The following KCNMB2 variants were observed in gnomAD, a reference collection of about 807,000 sequenced individuals.
The protein encoded by KCNMB2 is potassium calcium-activated channel subfamily M regulatory beta subunit 2, also known as calcium-activated potassium channel subunit beta-2.
In KCNMB2, 9 loss-of-function variants were observed where a neutral mutation model predicts 24.5. That is an observed-to-expected ratio of 0.37 (90% CI 0.22 to 0.64). KCNMB2 has a LOEUF of 0.64. Among genes scored for constraint, KCNMB2 ranks in the 30% least tolerant of loss-of-function variants. The pLI is 0.63. For synonymous variants in KCNMB2, 109 were observed against 104.4 expected (o/e 1.04, Z -0.27); for missense variants, 226 against 284.3 (o/e 0.79, Z 1.47).
chr3:178,553,507 A>G (rs867377964), intron 1 of KCNMB2, among the ~76,000 whole-genome samples: 2 of 151,482 alleles, frequency 1.3e-5, no homozygotes, highest in Middle Eastern at 6.8e-3. Flanking sequence ...CTCAGCACTG[A>G]GCATTCTCTG....
intron 1 of KCNMB2, among the ~76,000 whole-genome samples, chr3:178,627,382 T>C (rs906037182): frequency 2.0e-5 from 3 of 152,180 alleles, no homozygotes; most frequent in Admixed American, 2.0e-4. Context: ...TGGATTATAG[T>C]AGAATGTCCT....
At chr3:178,668,721 C>A (rs1366327385) in intron 1 of KCNMB2, among the ~76,000 whole-genome samples, 8 of 152,020 alleles carry the variant, frequency 5.3e-5, no homozygotes, top group Non-Finnish European at 1.2e-4. Flanking sequence ...GTGGGCAGGT[C>A]CAAATGTAAT....
At chr3:178,825,214 A>G (rs1178699020) in intron 2 of KCNMB2, among the ~76,000 whole-genome samples, 6 of 152,270 alleles carry the variant, frequency 3.9e-5, no homozygotes, top group Admixed American at 2.6e-4. Flanking sequence ...CTAAAAATCA[A>G]TAATGATCAG....
intron 1 of KCNMB2, among the ~76,000 whole-genome samples, chr3:178,765,030 G>T (rs962951863): frequency 1.3e-5 from 2 of 152,158 alleles, no homozygotes; most frequent in Non-Finnish European, 2.9e-5. Context: ...CTTCTTTGAT[G>T]TCTAGAATGA....
chr3:178,786,342 A>G (rs1435554349), intron 1 of KCNMB2, among the ~76,000 whole-genome samples: 1 of 152,170 alleles, frequency 6.6e-6, no homozygotes, highest in Non-Finnish European at 1.5e-5. Flanking sequence ...GACACTTAAA[A>G]TTTCCACAAT....
intron 1 of KCNMB2, among the ~76,000 whole-genome samples, chr3:178,707,194 G>A (rs6443566): frequency 0.33 from 49,624 of 151,920 alleles, 8,842 homozygotes; most frequent in African/African-American, 0.47. Context: ...GAGTGGAACA[G>A]AGACATCTGC....
At chr3:178,615,964 G>T (rs536759848) in intron 1 of KCNMB2, among the ~76,000 whole-genome samples, 1 of 152,232 alleles carries the variant, frequency 6.6e-6, no homozygotes, top group East Asian at 1.9e-4. Context: ...AATGTCATCT[G>T]GGGGCTAGGG....
At chr3:178,549,948 C>T (rs1715893788) in intron 1 of KCNMB2, among the ~76,000 whole-genome samples, 1 of 151,920 alleles carries the variant, frequency 6.6e-6, no homozygotes, top group African/African-American at 2.4e-5. Flanking sequence ...CTTCAGCTAT[C>T]TTTCTATCCC....
At chr3:178,603,363 G>C (rs116246392) in intron 1 of KCNMB2, among the ~76,000 whole-genome samples, 1,554 of 152,256 alleles carry the variant, frequency 0.01, 25 homozygotes, top group African/African-American at 0.036. Context: ...GGAAGGTATG[G>C]AGATAGAGAT....
intron 1 of KCNMB2, among the ~76,000 whole-genome samples, chr3:178,638,738 A>C (rs1298817424): frequency 2.4e-4 from 36 of 152,168 alleles, no homozygotes; most frequent in Non-Finnish European, 1.0e-4. Flanking sequence ...TTTGACCAGG[A>C]AGTATTTTCT....
intron 1 of KCNMB2, among the ~76,000 whole-genome samples, chr3:178,770,484 G>A (rs1237157897): frequency 6.6e-6 from 1 of 152,194 alleles, no homozygotes; most frequent in Non-Finnish European, 1.5e-5. Flanking sequence ...ATGAAGGCCA[G>A]GAAACAGACA....
chr3:178,691,380 A>G (rs1414208266), intron 1 of KCNMB2, among the ~76,000 whole-genome samples: 1 of 149,174 alleles, frequency 6.7e-6, no homozygotes, highest in African/African-American at 2.5e-5. Flanking sequence ...CCCATTAGTT[A>G]TTTTTCCCAA....
At chr3:178,756,506 T>C (rs1418378482) in intron 1 of KCNMB2, among the ~76,000 whole-genome samples, 1 of 152,180 alleles carries the variant, frequency 6.6e-6, no homozygotes, top group Non-Finnish European at 1.5e-5. Flanking sequence ...AATAATTATA[T>C]GCATTATTTC....
At chr3:178,568,614 G>C (rs191080030) in intron 1 of KCNMB2, among the ~76,000 whole-genome samples, 2 of 152,068 alleles carry the variant, frequency 1.3e-5, no homozygotes, top group East Asian at 3.9e-4. Context: ...TAAGAGGAAT[G>C]GTAAAAGGAA....
rs1309805904 is a variant in KCNMB2 at position 178,771,477 on chromosome 3, T to TC, written c.-67-35866_-67-35865insC. Reference sequence around the variant, plus strand: ...TTTCTTTTTCTTTCTTTCTTTCTTTTTTTTTTTTTTTTTTTTTTTTTTGAG... The same window carrying TC: ...TTTCTTTTTCTTTCTTTCTTTCTTTTCTTTTTTTTTTTTTTTTTTTTTTGAG... On this transcript the variant is annotated intron_variant, in intron 1 of 4. Transcript: ENST00000452583. Among the ~76,000 whole-genome samples the TC allele has an allele frequency of 2.8e-5, 3 of 106,460 alleles. No individual in the cohort carries two copies. The East Asian group carries it at 6.7e-4, about 24-fold the overall frequency. The allele number at this position is 106,460 out of a possible 152,430, so 69.8% of individuals were successfully genotyped here.
chr3:178,778,455 G>C (rs1363558462), intron 1 of KCNMB2, among the ~76,000 whole-genome samples: 11 of 127,452 alleles, frequency 8.6e-5, no homozygotes, highest in South Asian at 2.7e-4. Flanking sequence ...TACCCTTTAA[G>C]ACACACACAC....
intron 1 of KCNMB2, among the ~76,000 whole-genome samples, chr3:178,690,410 CAAT>C (rs1315008300): frequency 6.6e-6 from 1 of 151,214 alleles, no homozygotes; most frequent in African/African-American, 2.4e-5. Context: ...TGCCATGAAA[CAAT>C]GAACTGCTGA....
chr3:178,661,666 A>G (rs1303370613), intron 1 of KCNMB2, among the ~76,000 whole-genome samples: 1 of 152,138 alleles, frequency 6.6e-6, no homozygotes, highest in Non-Finnish European at 1.5e-5. Flanking sequence ...TTGCTACTCA[A>G]AGTGTGGTCC....
intron 1 of KCNMB2, among the ~76,000 whole-genome samples, chr3:178,733,989 T>C (rs141448887): frequency 6.6e-6 from 1 of 152,304 alleles, no homozygotes; most frequent in African/African-American, 2.4e-5. Flanking sequence ...TAATAGGATT[T>C]TCTGACCAGT....
Sources: allele counts gnomAD v4.1 joint callset (sites outside exome capture counted in the v4.1 genomes callset), GRCh38; gene constraint gnomAD v4.1.1; transcripts MANE v1.5; gene names NCBI Gene and HGNC (gene_info 2026-07-23, HGNC 2026-07-21).